STK32B: variants seen among roughly 807,000 people sequenced by gnomAD.
STK32B encodes serine/threonine-protein kinase 32B.
A neutral mutation model predicts 52.6 loss-of-function variants in STK32B; 43 were observed. That is an observed-to-expected ratio of 0.82 (90% CI 0.64 to 1.05). STK32B has a LOEUF of 1.05. STK32B is among the 50% of genes least tolerant of loss of function. The probability of loss-of-function intolerance (pLI) is 0.00; values close to 1 mark genes in which losing one functional copy is unlikely to be tolerated. For missense variants in STK32B, 621 were observed against 534.6 expected (o/e 1.16, Z -1.59); for synonymous variants, 238 against 204.3 (o/e 1.17, Z -1.41).
chr4:5,251,804 G>T (rs1470522679), intron 3 of STK32B, among the ~76,000 whole-genome samples: 1 of 152,124 alleles, frequency 6.6e-6, no homozygotes, highest in Non-Finnish European at 1.5e-5. Flanking sequence ...CTGGTTAGCT[G>T]TGTTTCTAGG....
intron 5 of STK32B, among the ~76,000 whole-genome samples, chr4:5,401,641 G>A (rs1737297982): frequency 6.6e-6 from 1 of 152,220 alleles, no homozygotes; most frequent in Non-Finnish European, 1.5e-5. Context: ...TAGAGTGAAA[G>A]AAGATACAGC....
At chr4:5,140,164 G>A in intron 2 of STK32B, 2 of 1,455,978 alleles carry the variant, frequency 1.4e-6, no homozygotes, top group Non-Finnish European at 1.9e-6. Context: ...CAACAGCCCT[G>A]GTTTAGGTGA....
intron 4 of STK32B, among the ~76,000 whole-genome samples, chr4:5,366,592 G>A (rs1734895347): frequency 6.6e-6 from 1 of 152,214 alleles, no homozygotes; most frequent in Non-Finnish European, 1.5e-5. Context: ...TACCGAGGAG[G>A]GCAAGAGGCA....
the STK32B span, among the ~76,000 whole-genome samples, chr4:5,031,837 G>T: frequency 6.6e-6 from 1 of 152,112 alleles, no homozygotes; most frequent in Non-Finnish European, 1.5e-5. Context: ...CCCAGTTGTG[G>T]GTGTGAGGAT....
chr4:5,266,436 G>T (rs1335913001), intron 3 of STK32B, among the ~76,000 whole-genome samples: 1 of 152,190 alleles, frequency 6.6e-6, no homozygotes, highest in African/African-American at 2.4e-5. Context: ...AGTATACAAA[G>T]ATCTTAATTA....
intron 4 of STK32B, among the ~76,000 whole-genome samples, chr4:5,334,593 G>T (rs1290807839): frequency 1.3e-5 from 2 of 152,268 alleles, no homozygotes; most frequent in South Asian, 2.1e-4. Flanking sequence ...TGTCCATTCA[G>T]TATGATATTG....
intron 1 of STK32B, among the ~76,000 whole-genome samples, chr4:5,059,152 C>G (rs192585264): frequency 6.8e-6 from 1 of 147,144 alleles, no homozygotes; most frequent in East Asian, 2.1e-4. Flanking sequence ...ATCCTCCCAC[C>G]TCAGCCTACC....
intron 11 of STK32B, among the ~76,000 whole-genome samples, chr4:5,474,551 C>G (rs1056312278): frequency 6.6e-6 from 1 of 152,228 alleles, no homozygotes; most frequent in Admixed American, 6.5e-5. Context: ...ACCCTTTGCA[C>G]TTAGTCCCTT....
intron 1 of STK32B, among the ~76,000 whole-genome samples, chr4:5,080,665 A>C (rs1247559145): frequency 6.8e-6 from 1 of 146,286 alleles, no homozygotes; most frequent in Admixed American, 7.2e-5. Flanking sequence ...TAATTGACAA[A>C]TAAAAATTGT....
chr4:5,244,685 A>C (rs1356925978), intron 3 of STK32B, among the ~76,000 whole-genome samples: 1 of 152,048 alleles, frequency 6.6e-6, no homozygotes, highest in Non-Finnish European at 1.5e-5. Context: ...TCAATTTTAG[A>C]TCTTTCCTGC....
chr4:5,327,096 C>A (rs1731928195), intron 3 of STK32B, among the ~76,000 whole-genome samples: 1 of 152,150 alleles, frequency 6.6e-6, no homozygotes, highest in South Asian at 2.1e-4. Context: ...CATCTCTTAA[C>A]GTTTTATCGT....
intron 6 of STK32B, among the ~76,000 whole-genome samples, chr4:5,428,441 T>A (rs1476728871): frequency 6.6e-6 from 1 of 152,122 alleles, no homozygotes; most frequent in Non-Finnish European, 1.5e-5. Flanking sequence ...AAAAACATTT[T>A]TCTGACAGTA....
intron 4 of STK32B, among the ~76,000 whole-genome samples, chr4:5,346,631 G>T (rs1016211302): frequency 6.6e-6 from 1 of 152,170 alleles, no homozygotes; most frequent in Non-Finnish European, 1.5e-5. Flanking sequence ...TTTACATCTT[G>T]TTCTAGCTCA....
intron 3 of STK32B, among the ~76,000 whole-genome samples, chr4:5,179,585 T>C (rs986221479): frequency 1.3e-5 from 2 of 152,106 alleles, no homozygotes; most frequent in African/African-American, 4.8e-5. Context: ...GATTAATAAA[T>C]AGATGATAGA....
chr4:5,115,308 G>T (rs1714654113), intron 1 of STK32B, among the ~76,000 whole-genome samples: 1 of 152,082 alleles, frequency 6.6e-6, no homozygotes, highest in Non-Finnish European at 1.5e-5. Context: ...TCTAATCTCT[G>T]CATCAGCATA....
chr4:5,438,303 AG>A (rs1714309590), intron 6 of STK32B, among the ~76,000 whole-genome samples: 2 of 152,230 alleles, frequency 1.3e-5, no homozygotes, highest in Non-Finnish European at 2.9e-5. Context: ...GATTCGGAAT[AG>A]CACAGATCAG....
intron 3 of STK32B, among the ~76,000 whole-genome samples, chr4:5,245,570 A>G (rs1371699791): frequency 3.3e-5 from 5 of 152,174 alleles, no homozygotes; most frequent in Non-Finnish European, 5.9e-5. Flanking sequence ...TAGCCCATTT[A>G]CATTTAAGGT....
chr4:5,333,393 G>A (rs1456627432), intron 4 of STK32B, among the ~76,000 whole-genome samples: 3 of 152,196 alleles, frequency 2.0e-5, no homozygotes, highest in Non-Finnish European at 4.4e-5. Flanking sequence ...TGTCAGATGA[G>A]TAGGTTGGGA....
intron 1 of STK32B, among the ~76,000 whole-genome samples, chr4:5,100,777 C>T (rs879315398): frequency 0.19 from 21,912 of 113,620 alleles, 2,895 homozygotes; most frequent in East Asian, 0.53. Context: ...CCCTCCTTCC[C>T]TTCTTCCTTC....
Sources: gnomAD v4.1 joint callset for allele counts (sites outside exome capture counted in the v4.1 genomes callset) on GRCh38, gnomAD v4.1.1 for gene constraint, MANE v1.5 for transcripts, NCBI Gene and HGNC (gene_info 2026-07-23, HGNC 2026-07-21) for gene names.